DDIAS: variants seen among roughly 807,000 people sequenced by gnomAD.
DDIAS encodes DNA damage-induced apoptosis suppressor protein.
In DDIAS, 14 loss-of-function variants were observed where a neutral mutation model predicts 15.7. That is an observed-to-expected ratio of 0.89 (90% CI 0.59 to 1.39). The LOEUF (loss-of-function observed/expected upper bound fraction) is 1.39. Ranked by LOEUF, DDIAS falls within the 40% of genes most tolerant of loss-of-function variation. The probability of loss-of-function intolerance (pLI) is 0.00; values close to 1 mark genes in which losing one functional copy is unlikely to be tolerated. For missense variants in DDIAS, 1,035 were observed against 1,130.9 expected, an observed-to-expected ratio of 0.92 and a Z score of 1.22; for synonymous variants, 355 against 395.9, an observed-to-expected ratio of 0.90 and a Z score of 1.23.
chr11:82,919,623 A>G (rs1001673440), intron 3 of DDIAS, among the ~76,000 whole-genome samples: 8 of 152,210 alleles, frequency 5.3e-5, no homozygotes, highest in African/African-American at 1.7e-4. Flanking sequence ...AGAATGAATT[A>G]GGGAGGGTTC....
chr11:82,928,562 A>G (rs1446134474), intron 3 of DDIAS, among the ~76,000 whole-genome samples: 6 of 152,054 alleles, frequency 3.9e-5, no homozygotes, highest in Admixed American at 2.0e-4. Flanking sequence ...ATGTATTTCT[A>G]TCAACTTGGG....
chr11:82,904,394 A>T (rs1486782325), intron 1 of DDIAS, among the ~76,000 whole-genome samples: 1 of 152,218 alleles, frequency 6.6e-6, no homozygotes, highest in Non-Finnish European at 1.5e-5. Flanking sequence ...TAAATGATTA[A>T]GTTGCCTTCT....
chr11:82,934,227 T>A lies in DDIAS; in HGVS notation c.2889T>A (p.Leu963=). The change falls in exon 6 of 6, where the codon CTT becomes CTA. Residue 963 remains leucine, a synonymous_variant. Coordinates refer to ENST00000533655, the MANE Select transcript of DDIAS (RefSeq NM_145018.4). ...CAGCACCTCAGCTGCACCCTATTCTTGGACCTGATTCTTGTTCAGAAGTCA... is the reference window on the plus strand; with the variant it reads ...CAGCACCTCAGCTGCACCCTATTCTAGGACCTGATTCTTGTTCAGAAGTCA... ...VLAAPQLHPI[L]GPDSCSEVKC... 6.2e-7 allele frequency: 1 copy of A among 1,614,100 alleles called. No homozygotes were observed. Among genetic ancestry groups the A allele is most frequent in the Non-Finnish European group, 8.5e-7 (1 of 1,180,004 alleles).
In DDIAS at chr11:82,928,763, C is replaced by T; in HGVS notation, c.114-14C>T. The T allele has an allele frequency of 6.2e-7, 1 of 1,607,850 alleles. No homozygotes were observed. Among genetic ancestry groups the T allele is most frequent in the Non-Finnish European group, 8.5e-7 (1 of 1,178,038 alleles). ...TAATGAACATCTCCACACTTTTTTC[C>T]ACCACTTTTCTAGGTCTAATTGTCC... is the stretch of plus-strand genomic sequence containing the variant. On this transcript the variant is annotated splice_polypyrimidine_tract_variant and intron_variant, in intron 3 of 5. Coordinates refer to ENST00000533655, the MANE Select transcript of DDIAS (RefSeq NM_145018.4).
chr11:82,913,799 A>C (rs1277074872), intron 2 of DDIAS: 2 of 394,792 alleles, frequency 5.1e-6, no homozygotes, highest in Non-Finnish European at 9.9e-6. Flanking sequence ...TGGGTCCAGA[A>C]GTCTTGTGAA....
chr11:82,917,123 T>A (rs1277421649), intron 3 of DDIAS, among the ~76,000 whole-genome samples: 1 of 150,614 alleles, frequency 6.6e-6, no homozygotes, highest in Non-Finnish European at 1.5e-5. Flanking sequence ...AAAAATTTTT[T>A]AAAACTATTT....
chr11:82,910,347 C>T (rs12290912), intron 1 of DDIAS, among the ~76,000 whole-genome samples: 34,680 of 138,010 alleles, frequency 0.25, 4,528 homozygotes, highest in Admixed American at 0.33. Flanking sequence ...GTGGCATGAT[C>T]TCGGCTCACT....
chr11:82,928,177 C>CTT lies in DDIAS; in HGVS notation c.114-562_114-561dup, dbSNP rs541845327. ...ATATTTTGAGATTATTTTTTGTCCT[C>CTT]TTTTTTTTTTTTTTTTTTTTTTTTT... is the stretch of plus-strand genomic sequence containing the variant. On this transcript the variant is annotated intron_variant, in intron 3 of 5. Transcript: ENST00000533655. Among the ~76,000 whole-genome samples the CTT allele has an allele frequency of 2.6e-3, 90 of 34,204 alleles. 31 individuals carry two copies. The highest frequency in any genetic ancestry group is 3.9e-3 in the East Asian group (3 of 772). 22.4% of individuals were successfully genotyped at this position (34,204 alleles called of 152,430 possible).
intron 3 of DDIAS, among the ~76,000 whole-genome samples, chr11:82,915,547 G>T (rs1327610067): frequency 6.6e-6 from 1 of 152,136 alleles, no homozygotes; most frequent in African/African-American, 2.4e-5. Context: ...AAAAGGATTG[G>T]CAGTTCTAAC....
intron 3 of DDIAS, among the ~76,000 whole-genome samples, chr11:82,923,081 T>C (rs763220372): frequency 2.6e-5 from 4 of 152,312 alleles, no homozygotes; most frequent in Non-Finnish European, 4.4e-5. Context: ...CACACAGTAT[T>C]TGGGGTGTCT....
At chr11:82,922,454 C>G (rs1860773387) in intron 3 of DDIAS, among the ~76,000 whole-genome samples, 1 of 152,062 alleles carries the variant, frequency 6.6e-6, no homozygotes, top group African/African-American at 2.4e-5. Flanking sequence ...AATTTGAAGA[C>G]CTTGTCTTCA....
At chr11:82,925,361 C>T (rs1263079451) in intron 3 of DDIAS, among the ~76,000 whole-genome samples, 1 of 152,026 alleles carries the variant, frequency 6.6e-6, no homozygotes, top group Non-Finnish European at 1.5e-5. Context: ...CTCTGGGAGG[C>T]CGAAACAAGA....
At chr11:82,930,353 G>A (rs893031950) in intron 5 of DDIAS, 79 bp downstream of exon 5, 1 of 1,096,644 alleles carries the variant, frequency 9.1e-7, no homozygotes, top group African/African-American at 1.6e-5. Context: ...CTAAATAGTT[G>A]TTAGGAGTTC....
chr11:82,930,409 A>G, intron 5 of DDIAS, 135 bp downstream of exon 5: 1 of 616,968 alleles, frequency 1.6e-6, no homozygotes, highest in South Asian at 2.4e-5. Context: ...ATGTAAAAAT[A>G]GCCTATAGGT....
At chr11:82,929,239 C>G (rs145627239) in intron 4 of DDIAS, among the ~76,000 whole-genome samples, 1 of 152,194 alleles carries the variant, frequency 6.6e-6, no homozygotes, top group Non-Finnish European at 1.5e-5. Context: ...GAAGAATTAT[C>G]CAAATTGAGG....
At chr11:82,907,273 G>C (rs1292398504) in intron 1 of DDIAS, among the ~76,000 whole-genome samples, 2 of 152,084 alleles carry the variant, frequency 1.3e-5, no homozygotes, top group South Asian at 2.1e-4. Flanking sequence ...AGCACATAAA[G>C]AGCAAAAAGA....
intron 3 of DDIAS, among the ~76,000 whole-genome samples, chr11:82,927,630 CA>C (rs34713810): frequency 0.54 from 82,344 of 151,944 alleles, 23,156 homozygotes; most frequent in African/African-American, 0.7. Context: ...TGTTGTATTT[CA>C]AAAAAATTTT....
At chr11:82,917,572 G>C (rs1182223004) in intron 3 of DDIAS, among the ~76,000 whole-genome samples, 1 of 152,082 alleles carries the variant, frequency 6.6e-6, no homozygotes, top group Non-Finnish European at 1.5e-5. Flanking sequence ...TTGGTTCCAC[G>C]ATTTTGCAAT....
At position 82,932,751 on chromosome 11, in the gene DDIAS, C is replaced by G. The variant is rs1861025774; in HGVS notation, c.1413C>G (p.Ala471=). 6.2e-7 allele frequency: 1 copy of G among 1,614,002 alleles called. No individual in the cohort carries two copies. ...LSVTPQRTTG[A]LHTPPIALRS... is the part of the protein sequence containing the mutation. ...TGACTCCCCAGAGAACTACTGGAGC[C>G]CTGCATACACCACCTATAGCTTTAA... Residue 471 remains alanine, a synonymous_variant, in exon 6 of 6, where the codon GCC becomes GCG. Coordinates refer to ENST00000533655, the MANE Select transcript of DDIAS (RefSeq NM_145018.4).
Sources: gnomAD v4.1 joint callset for allele counts (sites outside exome capture counted in the v4.1 genomes callset) on GRCh38, gnomAD v4.1.1 for gene constraint, MANE v1.5 for transcripts, NCBI Gene and HGNC (gene_info 2026-07-23, HGNC 2026-07-21) for gene names.